The following MGAT4C variants were observed in gnomAD, a reference collection of about 807,000 sequenced individuals.
MGAT4C encodes MGAT4 family member C, also known as alpha-1,3-mannosyl-glycoprotein 4-beta-N-acetylglucosaminyltransferase C.
A neutral mutation model predicts 40.1 loss-of-function variants in MGAT4C; 19 were observed. The ratio of observed to expected loss-of-function variants is 0.47; its 90% CI spans 0.33 to 0.70. The LOEUF (loss-of-function observed/expected upper bound fraction) is 0.70, where lower values mean the gene tolerates loss of function less well. MGAT4C is among the 30% of genes least tolerant of loss of function. The pLI, the probability that MGAT4C is intolerant of heterozygous loss-of-function variation, is 0.02. For synonymous variants in MGAT4C, 181 were observed against 187.1 expected (o/e 0.97, Z 0.27); for missense variants, 491 against 563.2 (o/e 0.87, Z 1.30).
rs1883457403 is a variant in MGAT4C, at chr12:85,968,273, T to A, written c.*11016A>T. ...AGCTCAGTTTACAAACAGCAGTGGG[T>A]TGAAGGCAATGCTGTTTATATTCTT... On this transcript the variant is annotated 3_prime_UTR_variant, in exon 5 of 5. Transcript: ENST00000611864. 1 of 151,996 alleles carries A rather than the reference T, an allele frequency of 6.6e-6. No individual in the cohort carries two copies. The highest frequency in any genetic ancestry group is 6.6e-5 in the Admixed American group (1 of 15,242). 9.4% of individuals were successfully genotyped at this position (151,996 alleles called of 1,614,324 possible).
At chr12:86,028,138 T>C (rs1057062746) in intron 2 of MGAT4C, 6 of 1,288,570 alleles carry the variant, frequency 4.7e-6, no homozygotes, top group Non-Finnish European at 5.1e-6. Flanking sequence ...CACACTCCTC[T>C]GCACAGTCTT....
chr12:86,506,265 C>A (rs1165111164), intron 2 of MGAT4C, among the ~76,000 whole-genome samples: 1 of 152,100 alleles, frequency 6.6e-6, no homozygotes, highest in Non-Finnish European at 1.5e-5. Context: ...AGTGCTATCC[C>A]CAGCTGATAC....
chr12:86,530,147 T>C (rs1346008650), intron 2 of MGAT4C, among the ~76,000 whole-genome samples: 1 of 152,022 alleles, frequency 6.6e-6, no homozygotes, highest in Admixed American at 6.6e-5. Context: ...TATTAAAATT[T>C]ATTCTTTACT....
chr12:86,511,551 G>T (rs919045201), intron 2 of MGAT4C, among the ~76,000 whole-genome samples: 24 of 152,118 alleles, frequency 1.6e-4, no homozygotes, highest in Non-Finnish European at 2.9e-5. Context: ...TATAAAGACA[G>T]ACATTTATAC....
chr12:86,664,516 T>A (rs982216287), intron 2 of MGAT4C, among the ~76,000 whole-genome samples: 1 of 152,164 alleles, frequency 6.6e-6, no homozygotes, highest in African/African-American at 2.4e-5. Flanking sequence ...ACTATATCAA[T>A]GATTTATGAT....
intron 2 of MGAT4C, among the ~76,000 whole-genome samples, chr12:86,454,298 A>T (rs551691250): frequency 9.9e-5 from 15 of 152,040 alleles, no homozygotes; most frequent in African/African-American, 3.4e-4. Context: ...CATGATCACC[A>T]CTCACTGCAG....
chr12:86,829,667 C>T (rs1476289614), intron 1 of MGAT4C, among the ~76,000 whole-genome samples: 3 of 151,176 alleles, frequency 2.0e-5, no homozygotes, highest in Non-Finnish European at 4.4e-5. Flanking sequence ...ATGGTTTTGA[C>T]ATTAATAATG....
chr12:86,435,313 AT>A (rs1202255337), intron 2 of MGAT4C: 12 of 151,950 alleles, frequency 7.9e-5, no homozygotes, highest in African/African-American at 2.9e-4. Flanking sequence ...TGTTGTAAAC[AT>A]TCATCATGAT....
In MGAT4C at chr12:86,212,891, C is replaced by CAAAAAA. The variant is rs71076172; in HGVS notation, c.-57+43342_-57+43347dup. Among the ~76,000 whole-genome samples, 34 of 22,510 alleles carry CAAAAAA rather than the reference C, an allele frequency of 1.5e-3. 3 individuals carry two copies. The highest frequency in any genetic ancestry group is 4.0e-3 in the African/African-American group (21 of 5,300). 14.8% of individuals were successfully genotyped at this position (22,510 alleles called of 152,430 possible). ...TGGGCGACAGAGCGAGACTCCGTCT[C>CAAAAAA]AAAAAAAAAAAAAAAAAAAAAAAAA... On this transcript the variant is annotated intron_variant, in intron 1 of 4. Coordinates refer to ENST00000611864, the MANE Select transcript of MGAT4C (RefSeq NM_001351288.2).
intron 1 of MGAT4C, among the ~76,000 whole-genome samples, chr12:86,833,529 T>C (rs950989024): frequency 2.0e-5 from 3 of 151,894 alleles, no homozygotes; most frequent in African/African-American, 7.2e-5. Flanking sequence ...CTTCTCCCTG[T>C]GTCTTCACAC....
In MGAT4C at chr12:85,980,801, T is replaced by A. The variant is rs760309776; in HGVS notation, c.296-371A>T. ...GGTACCTAGATAACATACAAGTTAC[T>A]TTTTAAAGATAAAGTAAAAAAAATG... On this transcript the variant is annotated intron_variant, in intron 4 of 4. Coordinates refer to ENST00000611864, the MANE Select transcript of MGAT4C (RefSeq NM_001351288.2). 3.3e-5 allele frequency among the ~76,000 whole-genome samples: 5 copies of A among 152,176 alleles called. No homozygotes were observed. In the South Asian group the frequency reaches 1.0e-3, roughly 32 times the overall value.
At chr12:86,006,236 C>T (rs186796523) in intron 2 of MGAT4C, among the ~76,000 whole-genome samples, 92 of 152,188 alleles carry the variant, frequency 6.0e-4, no homozygotes, top group African/African-American at 1.9e-3. Flanking sequence ...GTCAGTTTGC[C>T]GCTGCCATCC....
intron 1 of MGAT4C, among the ~76,000 whole-genome samples, chr12:86,775,063 AG>A (rs1358078274): frequency 6.6e-6 from 1 of 152,202 alleles, no homozygotes; most frequent in Non-Finnish European, 1.5e-5. Flanking sequence ...AAAAAGCAAC[AG>A]GCCTTTAGTA....
chr12:86,204,558 C>T (rs546973805), intron 1 of MGAT4C, among the ~76,000 whole-genome samples: 1 of 152,222 alleles, frequency 6.6e-6, no homozygotes, highest in South Asian at 2.1e-4. Context: ...AAACAGCATA[C>T]AACTTTCAAA....
chr12:86,410,652 C>T (rs147366339), intron 3 of MGAT4C, among the ~76,000 whole-genome samples: 1,534 of 151,808 alleles, frequency 0.01, 18 homozygotes, highest in Admixed American at 0.022. Context: ...TCTCAGCTTA[C>T]GAAGATAACA....
At chr12:86,194,435 C>T (rs1949716565) in intron 1 of MGAT4C, among the ~76,000 whole-genome samples, 1 of 150,608 alleles carries the variant, frequency 6.6e-6, no homozygotes, top group African/African-American at 2.4e-5. Flanking sequence ...TTTTAGGAGG[C>T]AGGAGAGTAG....
At position 86,274,082 on chromosome 12, in the gene MGAT4C, G is replaced by T. The variant is rs112790727; in HGVS notation, c.-57+59983C>A. ...AATTTGTAAGCTCCCCTAAGAGGGA[G>T]CACTTGTCTTACACAGCAGGAGAAG... is the stretch of plus-strand genomic sequence containing the variant. On this transcript the variant is annotated intron_variant, in intron 4 of 7. Transcript: ENST00000548651. Among the ~76,000 whole-genome samples, 626 of 152,264 alleles carry T rather than the reference G, an allele frequency of 4.1e-3. 7 individuals are homozygous for T. The highest frequency in any genetic ancestry group is 0.014 in the African/African-American group (593 of 41,558).
intron 2 of MGAT4C, among the ~76,000 whole-genome samples, chr12:86,506,047 A>T (rs1189389860): frequency 6.6e-6 from 1 of 152,186 alleles, no homozygotes; most frequent in African/African-American, 2.4e-5. Context: ...TCAAACTTTA[A>T]GGATATCTGG....
At chr12:86,803,335 C>T (rs1952271234) in intron 1 of MGAT4C, among the ~76,000 whole-genome samples, 1 of 151,576 alleles carries the variant, frequency 6.6e-6, no homozygotes, top group Admixed American at 6.6e-5. Flanking sequence ...TAGGCATTAC[C>T]ATTCAGGACA....
Sources: gnomAD v4.1 joint callset for allele counts (sites outside exome capture counted in the v4.1 genomes callset) on GRCh38, gnomAD v4.1.1 for gene constraint, MANE v1.5 for transcripts, NCBI Gene and HGNC (gene_info 2026-07-23, HGNC 2026-07-21) for gene names.